TBL1X: variants seen among roughly 807,000 people sequenced by gnomAD.
The protein encoded by TBL1X is F-box-like/WD repeat-containing protein TBL1X.
A neutral mutation model predicts 50.7 loss-of-function variants in TBL1X; 10 were observed. That is an observed-to-expected ratio of 0.20 (90% CI 0.12 to 0.33). TBL1X has a LOEUF of 0.33. Ranked by LOEUF, TBL1X falls within the 10% of genes least tolerant of loss-of-function variation. The pLI is 1.00. For synonymous variants in TBL1X, 190 were observed against 214.7 expected, an observed-to-expected ratio of 0.88 and a Z score of 1.01; for missense variants, 340 against 504.4, an observed-to-expected ratio of 0.67 and a Z score of 3.12.
At chrX:9,529,052 G>C (rs755010105) in intron 2 of TBL1X, among the ~76,000 whole-genome samples, 1 of 111,869 alleles carries the variant, frequency 8.9e-6, no homozygotes, top group Non-Finnish European at 1.9e-5. Flanking sequence ...TGCTTTGTTT[G>C]GGTTTTTTGG....
chrX:9,615,961 T>C (rs951931872), intron 2 of TBL1X, among the ~76,000 whole-genome samples: 9 of 112,134 alleles, frequency 8.0e-5, no homozygotes, highest in African/African-American at 2.6e-4. Flanking sequence ...CCATAACACA[T>C]TGAATGAACC....
In TBL1X at chrX:9,546,803, A is replaced by ATTTTTTTTTTTTT. The variant is rs774181046; in HGVS notation, c.-131+44975_-131+44987dup. On this transcript the variant is annotated intron_variant, in intron 2 of 17. Coordinates refer to ENST00000645353, the MANE Select transcript of TBL1X (RefSeq NM_005647.4). ...ATCACTATGGATTCATTTATTCTTA[A>ATTTTTTTTTTTTT]TTTTTTTTTTTTTTTTTTTTTTTTT... Among the ~76,000 whole-genome samples the ATTTTTTTTTTTTT allele has an allele frequency of 2.9e-4, 13 of 44,988 alleles. 1 individual carries two copies. The highest frequency in any genetic ancestry group is 1.6e-3 in the Admixed American group (4 of 2,566). The allele number at this position is 44,988 out of a possible 115,157, so 39.1% of individuals were successfully genotyped here. A position where few individuals can be genotyped will look rare whatever the true frequency, so the allele number is the denominator to read the frequency against.
intron 1 of TBL1X, among the ~76,000 whole-genome samples, chrX:9,479,965 T>TGTGTGTGTG (rs1313372994): frequency 9.2e-6 from 1 of 108,662 alleles, no homozygotes; most frequent in Non-Finnish European, 1.9e-5. Context: ...TGTGTGTGTG[T>TGTGTGTGTG]TTGAGATGGA....
intron 2 of TBL1X, among the ~76,000 whole-genome samples, chrX:9,521,846 T>C (rs1451443061): frequency 9.0e-6 from 1 of 111,325 alleles, no homozygotes; most frequent in Non-Finnish European, 1.9e-5. Flanking sequence ...AAGCTTTAAT[T>C]GGTTAAGTCA....
In TBL1X at chrX:9,490,769, A is replaced by G. The variant is rs774990073; in HGVS notation, c.-200-11011A>G. Among the ~76,000 whole-genome samples, 5 of 111,807 alleles carry G rather than the reference A, an allele frequency of 4.5e-5. No homozygotes were observed. In the South Asian group the frequency reaches 1.9e-3, roughly 42 times the overall value. On this transcript the variant is annotated intron_variant, in intron 1 of 17. Transcript: ENST00000645353. ...TAATTAAAAAATATGTTCTGCTCAT[A>G]TTGTATTAATTCTTTGTTGTATTAA...
chrX:9,717,538 C>T lies in TBL1X; in HGVS notation c.*1292C>T, dbSNP rs1307594537. On this transcript the variant is annotated 3_prime_UTR_variant, in exon 18 of 18. Transcript: ENST00000645353. ...CCTCGCATCTTTTGGTGTGTATGCACCTTGGCAGCCAGCAGGAAAGCAGCG... is the reference window on the plus strand; with the variant it reads ...CCTCGCATCTTTTGGTGTGTATGCATCTTGGCAGCCAGCAGGAAAGCAGCG... 8.9e-6 allele frequency: 1 copy of T among 112,959 alleles called. No individual in the cohort carries two copies. The highest frequency in any genetic ancestry group is 9.3e-5 in the Admixed American group (1 of 10,735). The allele number at this position is 112,959 out of a possible 1,213,427, so 9.3% of individuals were successfully genotyped here.
In TBL1X at chrX:9,547,021, T is replaced by C. The variant is rs1409397063; in HGVS notation, c.-131+45172T>C. 2.8e-5 allele frequency among the ~76,000 whole-genome samples: 3 copies of C among 107,370 alleles called. No individual in the cohort carries two copies. In the East Asian group the frequency reaches 8.8e-4, roughly 32 times the overall value. The allele number at this position is 107,370 out of a possible 115,157, so 93.2% of individuals were successfully genotyped here. On this transcript the variant is annotated intron_variant, in intron 2 of 17. Transcript: ENST00000645353. ...TTTTAGTAGAGACGGGGTTTCACCG[T>C]GTTAGCCAGGATGGTCTCGATCTCC...
rs1170499516 is a variant in TBL1X, at chrX:9,608,754, A to G, written c.-130-31519A>G. ...ATATTCAATTACTTTTCGTAAATGC[A>G]ATAACAAGGCCAACTGACATAAGCG... On this transcript the variant is annotated intron_variant, in intron 2 of 17. Transcript: ENST00000645353. Among the ~76,000 whole-genome samples the G allele has an allele frequency of 8.9e-5, 10 of 112,202 alleles. No homozygotes were observed. In the East Asian group the frequency reaches 2.8e-3, roughly 31 times the overall value.
At chrX:9,512,336 A>G (rs769308364) in intron 2 of TBL1X, among the ~76,000 whole-genome samples, 1 of 111,442 alleles carries the variant, frequency 9.0e-6, no homozygotes, top group South Asian at 3.8e-4. Flanking sequence ...TAGCACCTAC[A>G]TTTGTGTTAC....
intron 2 of TBL1X, among the ~76,000 whole-genome samples, chrX:9,610,951 G>C (rs1350289375): frequency 1.8e-5 from 2 of 111,940 alleles, no homozygotes; most frequent in Non-Finnish European, 3.8e-5. Flanking sequence ...GCCAAGCCTT[G>C]AATGAATCAT....
chrX:9,583,690 C>T (rs1337973778), intron 2 of TBL1X, among the ~76,000 whole-genome samples: 2 of 112,164 alleles, frequency 1.8e-5, no homozygotes, highest in African/African-American at 6.5e-5. Flanking sequence ...CGTGAATTAC[C>T]TCTTAGATTG....
intron 5 of TBL1X, among the ~76,000 whole-genome samples, chrX:9,661,572 C>T (rs1388517306): frequency 1.8e-5 from 2 of 111,882 alleles, no homozygotes; most frequent in South Asian, 7.6e-4. Flanking sequence ...ACCTGCAGTG[C>T]TTCTCTCTGG....
chrX:9,581,623 C>CA (rs1467742705), intron 2 of TBL1X, among the ~76,000 whole-genome samples: 1 of 111,948 alleles, frequency 8.9e-6, no homozygotes, highest in African/African-American at 3.2e-5. Flanking sequence ...CCCCAACAGC[C>CA]AAGAGTGATG....
At chrX:9,542,559 C>T (rs2082220074) in intron 2 of TBL1X, among the ~76,000 whole-genome samples, 1 of 111,843 alleles carries the variant, frequency 8.9e-6, no homozygotes, top group African/African-American at 3.3e-5. Context: ...AGCTTGTGAA[C>T]ACTCTGCCTT....
At chrX:9,543,167 G>A (rs967280148) in intron 2 of TBL1X, among the ~76,000 whole-genome samples, 1 of 112,149 alleles carries the variant, frequency 8.9e-6, no homozygotes, top group Admixed American at 9.4e-5. Context: ...ACGTGAATCC[G>A]TGTGCTGGGA....
At chrX:9,685,086 T>C (rs1416939205) in intron 6 of TBL1X, among the ~76,000 whole-genome samples, 1 of 112,015 alleles carries the variant, frequency 8.9e-6, no homozygotes, top group African/African-American at 3.2e-5. Flanking sequence ...ACATTAAAAC[T>C]GTGCACTTGG....
At chrX:9,555,265 G>C (rs886105534) in intron 2 of TBL1X, among the ~76,000 whole-genome samples, 3 of 110,773 alleles carry the variant, frequency 2.7e-5, no homozygotes, top group Non-Finnish European at 3.8e-5. Context: ...TTTGTAGAGA[G>C]AGTGTCTTGT....
At chrX:9,669,435 C>T (rs2082948393) in intron 5 of TBL1X, among the ~76,000 whole-genome samples, 1 of 111,805 alleles carries the variant, frequency 8.9e-6, no homozygotes. Flanking sequence ...CCCAATCTGT[C>T]TGTCTAACAA....
intron 1 of TBL1X, among the ~76,000 whole-genome samples, chrX:9,471,559 T>C (rs1272309121): frequency 8.9e-6 from 1 of 112,198 alleles, no homozygotes; most frequent in African/African-American, 3.2e-5. Flanking sequence ...AGTTTTCCCA[T>C]GATTAAAATA....
Sources: gnomAD v4.1 joint callset for allele counts (sites outside exome capture counted in the v4.1 genomes callset) on GRCh38, gnomAD v4.1.1 for gene constraint, MANE v1.5 for transcripts, NCBI Gene and HGNC (gene_info 2026-07-23, HGNC 2026-07-21) for gene names.